Variants in ATP2B4 observed in about 807,000 individuals in gnomAD.
ATP2B4 encodes ATPase plasma membrane Ca2+ transporting 4.
ATP2B4 carries 39 observed loss-of-function variants against 110.3 expected under a neutral mutation model. The observed-to-expected ratio is 0.35, with a 90% CI of 0.27 to 0.46. The LOEUF (loss-of-function observed/expected upper bound fraction) is 0.46. Among genes scored for constraint, ATP2B4 ranks in the 20% least tolerant of loss-of-function variants. The pLI is 1.00. For synonymous variants in ATP2B4, 538 were observed against 571.7 expected, an observed-to-expected ratio of 0.94 and a Z score of 0.84; for missense variants, 1,135 against 1,530.9, an observed-to-expected ratio of 0.74 and a Z score of 4.32.
At chr1:203,725,777 C>T (rs1666490712) in intron 19 of ATP2B4, among the ~76,000 whole-genome samples, 1 of 152,088 alleles carries the variant, frequency 6.6e-6, no homozygotes, top group Non-Finnish European at 1.5e-5. Context: ...AGGTAATGGA[C>T]ACTTTGCCCT....
At chr1:203,712,838 A>G (rs1210737000) in intron 13 of ATP2B4, among the ~76,000 whole-genome samples, 1 of 152,032 alleles carries the variant, frequency 6.6e-6, no homozygotes, top group African/African-American at 2.4e-5. Context: ...AATCAAACCT[A>G]AGACCTCAGA....
At chr1:203,733,724 G>T (rs1666800925) in intron 20 of ATP2B4, 3 of 270,610 alleles carry the variant, frequency 1.1e-5, no homozygotes, top group Non-Finnish European at 2.1e-5. Flanking sequence ...TTGTCTGTTT[G>T]TTGCTTTGCT....
Position 203,699,585 on chromosome 1 carries a change from A to G in ATP2B4, c.517A>G (p.Lys173Glu). Residue 173 changes from lysine to glutamate, a missense_variant, in exon 4 of 21, where the codon AAA (lysine) becomes GAA (glutamate). This residue lies in a region of ATP2B4 where 101 missense variants were observed against 182.6 expected (regional missense o/e 0.55). Coordinates refer to ENST00000357681, the MANE Select transcript of ATP2B4 (RefSeq NM_001684.5). ...AGTGACTGCCTTTAATGATTGGAGC[A>G]AAGAGAAGCAATTCCGGGGGCTGCA... ...VLVTAFNDWS[K>E]EKQFRGLQCR... The G allele has an allele frequency of 1.2e-6, 2 of 1,614,174 alleles. No homozygotes were observed. The highest frequency in any genetic ancestry group is 1.7e-6 in the Non-Finnish European group (2 of 1,180,036).
At chr1:203,689,777 A>G (rs1051557387) in intron 2 of ATP2B4, among the ~76,000 whole-genome samples, 1 of 152,246 alleles carries the variant, frequency 6.6e-6, no homozygotes, top group African/African-American at 2.4e-5. Context: ...AATGAAGGCA[A>G]TTTCAGAAAT....
intron 1 of ATP2B4, among the ~76,000 whole-genome samples, chr1:203,634,195 C>T (rs1290136198): frequency 1.3e-5 from 2 of 152,110 alleles, no homozygotes; most frequent in Non-Finnish European, 2.9e-5. Context: ...ACACATTTAT[C>T]GTTGTTTTTG....
rs183730199 is a variant in ATP2B4 at position 203,631,686 on chromosome 1, T to G, written c.-465+4467T>G. 1.3e-3 allele frequency among the ~76,000 whole-genome samples: 204 copies of G among 152,294 alleles called. 2 individuals are homozygous for G. Among genetic ancestry groups the G allele is most frequent in the Non-Finnish European group, 2.0e-3 (139 of 68,018 alleles). Reference sequence around the variant, plus strand: ...TATTGAGCCCGGGAAGTTAGCAATATCTAACAAAGCTACGTACACATTTAC... The same window carrying G: ...TATTGAGCCCGGGAAGTTAGCAATAGCTAACAAAGCTACGTACACATTTAC... On this transcript the variant is annotated intron_variant, in intron 1 of 20. Transcript: ENST00000357681.
chr1:203,661,769 G>T (rs1240867112), intron 1 of ATP2B4, among the ~76,000 whole-genome samples: 1 of 151,994 alleles, frequency 6.6e-6, no homozygotes, highest in Admixed American at 6.6e-5. Flanking sequence ...GCCAGGCTCT[G>T]TGTGGGCTCC....
intron 1 of ATP2B4, among the ~76,000 whole-genome samples, chr1:203,660,771 C>A (rs529282692): frequency 1.1e-4 from 16 of 151,774 alleles, no homozygotes; most frequent in Admixed American, 3.3e-4. Flanking sequence ...TGCACTCCAG[C>A]CTAGCAAGGG....
rs1667035079 is a variant in ATP2B4 at position 203,743,594 on chromosome 1, G to A, written c.*3740G>A. Reference sequence around the variant, plus strand: ...CCATATGTGAATATGCCATATATATGTGCCAACAAATCTATCTACGTTGTT... The same window carrying A: ...CCATATGTGAATATGCCATATATATATGCCAACAAATCTATCTACGTTGTT... On this transcript the variant is annotated 3_prime_UTR_variant, in exon 21 of 21. Transcript: ENST00000357681. 1 of 152,596 alleles carries A rather than the reference G, an allele frequency of 6.6e-6. No homozygotes were observed. Among genetic ancestry groups the A allele is most frequent in the African/African-American group, 2.4e-5 (1 of 41,432 alleles). 9.5% of individuals were successfully genotyped at this position (152,596 alleles called of 1,614,324 possible). A position where few individuals can be genotyped will look rare whatever the true frequency, so the allele number is the denominator to read the frequency against.
intron 1 of ATP2B4, among the ~76,000 whole-genome samples, chr1:203,670,441 A>T (rs1043411028): frequency 6.6e-6 from 1 of 152,184 alleles, no homozygotes; most frequent in South Asian, 2.1e-4. Flanking sequence ...GGCCTCCCAC[A>T]GTGTTGGGAT....
At chr1:203,667,676 G>A (rs540379389) in intron 1 of ATP2B4, among the ~76,000 whole-genome samples, 3 of 152,218 alleles carry the variant, frequency 2.0e-5, no homozygotes, top group Non-Finnish European at 4.4e-5. Context: ...CACAGCCTTA[G>A]ACGGCAAAGT....
chr1:203,672,303 C>T (rs534646481), intron 1 of ATP2B4, among the ~76,000 whole-genome samples: 2 of 130,576 alleles, frequency 1.5e-5, no homozygotes, highest in South Asian at 5.5e-4. Flanking sequence ...TGTTTTTGTT[C>T]CTGAGTAAGT....
At chr1:203,703,919 A>C in intron 8 of ATP2B4, 106 bp downstream of exon 8, 1 of 1,402,626 alleles carries the variant, frequency 7.1e-7, no homozygotes, top group African/African-American at 1.4e-5. Flanking sequence ...AAGAAGCTGA[A>C]ACTTCAGGGT....
Position 203,723,420 on chromosome 1 carries a change from A to ATATC in ATP2B4, c.3025-460_3025-459insATCT, listed in dbSNP as rs1553251094. Among the ~76,000 whole-genome samples the ATATC allele has an allele frequency of 9.6e-4, 43 of 44,578 alleles. 1 individual carries two copies. The highest frequency in any genetic ancestry group is 3.9e-3 in the African/African-American group (41 of 10,558). The allele number at this position is 44,578 out of a possible 152,430, so 29.2% of individuals were successfully genotyped here. On this transcript the variant is annotated intron_variant, in intron 18 of 20. Transcript: ENST00000357681. ...TTTTTTTTTTTCGTTTGAGACAGAT[A>ATATC]TCTCTCTCTCTCTCTCTCTCTCTCT...
At chr1:203,644,015 C>T (rs527606534) in intron 1 of ATP2B4, among the ~76,000 whole-genome samples, 13 of 152,060 alleles carry the variant, frequency 8.5e-5, no homozygotes, top group African/African-American at 3.1e-4. Flanking sequence ...TTTGGGAGGC[C>T]GAGGAGGGTG....
intron 2 of ATP2B4, among the ~76,000 whole-genome samples, chr1:203,696,807 T>G (rs1665546179): frequency 1.3e-5 from 2 of 152,136 alleles, no homozygotes; most frequent in South Asian, 4.1e-4. Context: ...TGGTATGTAT[T>G]GTGTATGTGG....
intron 2 of ATP2B4, among the ~76,000 whole-genome samples, chr1:203,687,347 AT>A (rs1665229095): frequency 2.0e-5 from 3 of 152,238 alleles, no homozygotes; most frequent in Non-Finnish European, 4.4e-5. Flanking sequence ...ACATAGGAGT[AT>A]CTACCCAGGC....
chr1:203,679,991 G>A (rs1413526737), intron 1 of ATP2B4, among the ~76,000 whole-genome samples: 1 of 151,448 alleles, frequency 6.6e-6, no homozygotes, highest in East Asian at 1.9e-4. Flanking sequence ...AACCTGGGAG[G>A]CGGAGGTTGC....
At position 203,629,263 on chromosome 1, in the gene ATP2B4, T is replaced by C. The variant is rs1435932810; in HGVS notation, c.-465+2044T>C. ...CCCCAAGACAGAATTAATGCCCGTG[T>C]TCTGGAGGGAGGGGATCCATTTCTA... On this transcript the variant is annotated intron_variant, in intron 1 of 20. Transcript: ENST00000357681. The surrounding 1 kb of genome is among the most constrained non-coding windows in gnomAD (Gnocchi z 4.6). Among the ~76,000 whole-genome samples the C allele has an allele frequency of 6.6e-6, 1 of 152,212 alleles. No homozygotes were observed. Among genetic ancestry groups the C allele is most frequent in the African/African-American group, 2.4e-5 (1 of 41,462 alleles).
Sources: allele counts gnomAD v4.1 joint callset (sites outside exome capture counted in the v4.1 genomes callset), GRCh38; gene constraint gnomAD v4.1.1; regional missense constraint gnomAD v4.1.1; non-coding constraint Gnocchi (gnomAD v3.1); transcripts MANE v1.5; gene names NCBI Gene and HGNC (gene_info 2026-07-23, HGNC 2026-07-21).